PCDHA4: variants seen among roughly 807,000 people sequenced by gnomAD.
PCDHA4 encodes the protein protocadherin alpha-4.
PCDHA4 carries 49 observed loss-of-function variants against 61.4 expected under a neutral mutation model. The ratio of observed to expected loss-of-function variants is 0.80; its 90% CI spans 0.63 to 1.01. The LOEUF is 1.01. PCDHA4 is among the 50% of genes least tolerant of loss of function. PCDHA4 has a pLI of 0.00. For missense variants in PCDHA4, 1,254 were observed against 1,235.8 expected, an observed-to-expected ratio of 1.01 and a Z score of -0.22; for synonymous variants, 590 against 550.3, an observed-to-expected ratio of 1.07 and a Z score of -1.01.
At chr5:140,929,484 T>G (rs1445028927) in intron 1 of PCDHA4, 9 of 1,156,262 alleles carry the variant, frequency 7.8e-6, no homozygotes, top group Non-Finnish European at 1.0e-5. Flanking sequence ...AGTATAGAAG[T>G]ATTAGAAGAT....
chr5:140,842,542 G>A (rs1432404802), intron 1 of PCDHA4: 6 of 1,608,260 alleles, frequency 3.7e-6, no homozygotes, highest in African/African-American at 1.3e-5. Flanking sequence ...ACTACTCGTT[G>A]GTGCTGGACA....
intron 1 of PCDHA4, chr5:140,842,442 T>G (rs1777952178): frequency 1.2e-6 from 2 of 1,613,802 alleles, no homozygotes; most frequent in Non-Finnish European, 1.7e-6. Flanking sequence ...CTAATTAGCG[T>G]GAACGACCTC....
chr5:140,879,824 T>G (rs946010713), intron 1 of PCDHA4, among the ~76,000 whole-genome samples: 2 of 152,250 alleles, frequency 1.3e-5, no homozygotes, highest in Non-Finnish European at 2.9e-5. Context: ...TGGTGTTCCC[T>G]GGCTTGTGGC....
At position 140,872,081 on chromosome 5, in the gene PCDHA4, C is replaced by A. The variant is rs559710022; in HGVS notation, c.2385+62509C>A. ...TCCAGAGTAGCTGGGAATGCAGTGC[C>A]ACTGCACTTAGTCCATTGGCTTTCC... On this transcript the variant is annotated intron_variant, in intron 1 of 3. Transcript: ENST00000530339. Among the ~76,000 whole-genome samples the A allele has an allele frequency of 2.6e-5, 4 of 152,212 alleles. No individual in the cohort carries two copies. In the South Asian group the frequency reaches 8.3e-4, roughly 32 times the overall value.
chr5:140,983,101 C>T (rs1047738074), intron 3 of PCDHA4, among the ~76,000 whole-genome samples: 2 of 152,228 alleles, frequency 1.3e-5, no homozygotes, highest in African/African-American at 4.8e-5. Flanking sequence ...ATCTGCTTCT[C>T]TCTGCACATC....
intron 1 of PCDHA4, chr5:140,928,053 G>C: frequency 6.2e-7 from 1 of 1,614,212 alleles, no homozygotes; most frequent in Non-Finnish European, 8.5e-7. Context: ...CTTTTCAGCT[G>C]ACGGCTTCCT....
chr5:140,883,222 A>T lies in PCDHA4; in HGVS notation c.2385+73650A>T, dbSNP rs1164969110. ...TCGAAGAAAAGAAATTATATGAAATATCCGTGGAGGCAGTTGACAAAGGAA... is the reference window on the plus strand; with the variant it reads ...TCGAAGAAAAGAAATTATATGAAATTTCCGTGGAGGCAGTTGACAAAGGAA... On this transcript the variant is annotated intron_variant, in intron 1 of 3. Transcript: ENST00000530339. 8.7e-6 allele frequency: 14 copies of T among 1,613,970 alleles called. No homozygotes were observed. The African/African-American group carries it at 1.7e-4, about 20-fold the overall frequency.
rs2150163388 is a variant in PCDHA4, at chr5:140,829,170, G to T, written c.2385+19598G>T. The T allele has an allele frequency of 3.0e-5, 49 of 1,613,982 alleles. No individual in the cohort carries two copies. Among genetic ancestry groups the T allele is most frequent in the Non-Finnish European group, 4.0e-5 (47 of 1,179,950 alleles). ...CTGACTTCCTTATCCTTGCCTGTAC[G>T]TGAAGACGCTCAATTTGGTACTGTC... is the stretch of plus-strand genomic sequence containing the variant. On this transcript the variant is annotated intron_variant, in intron 1 of 3. Coordinates refer to ENST00000530339, the MANE Select transcript of PCDHA4 (RefSeq NM_018907.4).
chr5:140,843,456 T>G (rs2150360448), intron 1 of PCDHA4: 3 of 1,595,898 alleles, frequency 1.9e-6, no homozygotes, highest in Admixed American at 3.4e-5. Flanking sequence ...AGCCTGCTGG[T>G]GCTCACGCTG....
intron 1 of PCDHA4, chr5:140,875,830 G>A (rs782702520): frequency 4.6e-5 from 75 of 1,614,104 alleles, no homozygotes; most frequent in East Asian, 8.9e-5. Flanking sequence ...TTTCCATGTG[G>A]ACGTGGAGGT....
intron 1 of PCDHA4, chr5:140,810,636 A>G (rs900090794): frequency 2.6e-5 from 4 of 151,826 alleles, no homozygotes; most frequent in Admixed American, 2.6e-4. Context: ...AGCTGCTCAA[A>G]TCTCCTATTT....
chr5:140,842,246 G>C (rs1289361551), intron 1 of PCDHA4: 13 of 1,611,852 alleles, frequency 8.1e-6, no homozygotes, highest in Non-Finnish European at 1.1e-5. Flanking sequence ...GGGTAATTTG[G>C]ATTTTGAACA....
In PCDHA4 at chr5:140,855,086, A is replaced by G. The variant is rs998686310; in HGVS notation, c.2385+45514A>G. ...CTTAAATACAGAAACCACCACTCTCAGCCTGTGCAGTAGCAATAATTAAGG... is the reference window on the plus strand; with the variant it reads ...CTTAAATACAGAAACCACCACTCTCGGCCTGTGCAGTAGCAATAATTAAGG... On this transcript the variant is annotated intron_variant, in intron 1 of 3. Transcript: ENST00000530339. Among the ~76,000 whole-genome samples the G allele has an allele frequency of 3.5e-4, 52 of 150,018 alleles. 3 individuals are homozygous for G. Among genetic ancestry groups the G allele is most frequent in the African/African-American group, 1.2e-3 (49 of 41,006 alleles).
At chr5:140,820,121 A>G (rs937640428) in intron 1 of PCDHA4, among the ~76,000 whole-genome samples, 3 of 151,966 alleles carry the variant, frequency 2.0e-5, no homozygotes, top group African/African-American at 7.2e-5. Flanking sequence ...GTTTTTAACC[A>G]TTGTGTATTA....
chr5:140,911,405 C>T (rs565928237), intron 1 of PCDHA4, among the ~76,000 whole-genome samples: 45 of 152,276 alleles, frequency 3.0e-4, no homozygotes, highest in South Asian at 1.5e-3. Flanking sequence ...AGGTCAGCCA[C>T]TGGTATGATA....
At chr5:140,991,417 C>G (rs782178829) in intron 3 of PCDHA4, among the ~76,000 whole-genome samples, 79 of 152,196 alleles carry the variant, frequency 5.2e-4, no homozygotes, top group Admixed American at 1.5e-3. Context: ...TATGCTATAA[C>G]AAATTAACCA....
intron 1 of PCDHA4, among the ~76,000 whole-genome samples, chr5:140,933,436 A>G (rs1554209364): frequency 6.6e-6 from 1 of 152,102 alleles, no homozygotes; most frequent in Non-Finnish European, 1.5e-5. Flanking sequence ...GGGGCACTCT[A>G]ATGACATACC....
At chr5:140,975,307 A>G (rs1190412792) in intron 1 of PCDHA4, among the ~76,000 whole-genome samples, 1 of 152,162 alleles carries the variant, frequency 6.6e-6, no homozygotes, top group Non-Finnish European at 1.5e-5. Context: ...AGCTCATGTG[A>G]TTATGTCAGT....
chr5:140,954,771 T>C (rs1314345691), intron 1 of PCDHA4, among the ~76,000 whole-genome samples: 2 of 152,230 alleles, frequency 1.3e-5, no homozygotes, highest in African/African-American at 4.8e-5. Context: ...AGCTCTTTAA[T>C]TTAATTAGAT....
Sources: gnomAD v4.1 joint callset for allele counts (sites outside exome capture counted in the v4.1 genomes callset) on GRCh38, gnomAD v4.1.1 for gene constraint, MANE v1.5 for transcripts, NCBI Gene and HGNC (gene_info 2026-07-23, HGNC 2026-07-21) for gene names.